Variants in DZANK1 observed in about 807,000 individuals in gnomAD.
DZANK1 encodes the protein double zinc ribbon and ankyrin repeat-containing protein 1.
Under a neutral mutation model 94.5 loss-of-function variants are expected in DZANK1, and 91 were observed. The ratio of observed to expected loss-of-function variants is 0.96; its 90% CI spans 0.81 to 1.15. The LOEUF is 1.15. DZANK1 is among the 50% of genes most tolerant of loss of function. DZANK1 has a pLI of 0.00. For synonymous variants in DZANK1, 312 were observed against 325.3 expected, an observed-to-expected ratio of 0.96 and a Z score of 0.44; for missense variants, 903 against 916.4, an observed-to-expected ratio of 0.99 and a Z score of 0.19.
chr20:18,465,408 G>GTGCACTTATAGCTT (rs774363976), intron 1 of DZANK1, 31 bp from the exon 2 acceptor site: 1 of 928,342 alleles, frequency 1.1e-6, no homozygotes, highest in Non-Finnish European at 1.5e-6. Flanking sequence ...AAATTCCAAT[G>GTGCACTTATAGCTT]TACACAAAAG....
chr20:18,385,145 T>C lies in DZANK1; in HGVS notation c.2019-55A>G, dbSNP rs992702741. 2.1e-5 allele frequency: 32 copies of C among 1,522,070 alleles called. No homozygotes were observed. The African/African-American group carries it at 4.0e-4, about 19-fold the overall frequency. 94.3% of individuals were successfully genotyped at this position (1,522,070 alleles called of 1,614,324 possible). A position where few individuals can be genotyped will look rare whatever the true frequency, so the allele number is the denominator to read the frequency against. On this transcript the variant is annotated intron_variant, in intron 19 of 20. Transcript: ENST00000262547. ...TCCTTAGTTAGCATCATCAGGAAAC[T>C]GGAGAGGATGCATGTGACCCAAGGT...
At chr20:18,463,702 T>C (rs1387012383) in intron 2 of DZANK1, among the ~76,000 whole-genome samples, 1 of 152,198 alleles carries the variant, frequency 6.6e-6, no homozygotes, top group Non-Finnish European at 1.5e-5. Context: ...TACATTAAAA[T>C]GTTTAATTTG....
In DZANK1 at chr20:18,451,092, C is replaced by A. The variant is rs1028927528; in HGVS notation, c.543+1523G>T. Among the ~76,000 whole-genome samples, 7 of 152,078 alleles carry A rather than the reference C, an allele frequency of 4.6e-5. No individual in the cohort carries two copies. In the South Asian group the frequency reaches 1.2e-3, roughly 27 times the overall value. On this transcript the variant is annotated intron_variant, in intron 6 of 20. Transcript: ENST00000262547. ...TCCCGAGTAGCTGGGACTACAGGTG[C>A]GCGCCACTATGCCTGGCTAATTTTT... is the stretch of plus-strand genomic sequence containing the variant.
chr20:18,389,316 C>G lies in DZANK1; in HGVS notation c.2018+385G>C, dbSNP rs372018960. Among the ~76,000 whole-genome samples, 169 of 152,290 alleles carry G rather than the reference C, an allele frequency of 1.1e-3. 5 individuals carry two copies. In the South Asian group the frequency reaches 0.034, roughly 30 times the overall value. Reference sequence around the variant, plus strand: ...GTATGATATTTTCTTTCTGCATTAACTTCATGGGGATATTTTCATGGGGAA... The same window carrying G: ...GTATGATATTTTCTTTCTGCATTAAGTTCATGGGGATATTTTCATGGGGAA... On this transcript the variant is annotated intron_variant, in intron 19 of 20. Coordinates refer to ENST00000262547, the Ensembl canonical transcript of DZANK1.
At chr20:18,415,418 G>A (rs767921948) in exon 11 of DZANK1, 59 of 1,584,896 alleles carry the variant, frequency 3.7e-5, no homozygotes, top group African/African-American at 8.1e-5. Flanking sequence ...CTGAGTGGGC[G>A]GAGGAGGGGC....
chr20:18,443,399 G>C, exon 8 of DZANK1: 1 of 1,546,244 alleles, frequency 6.5e-7, no homozygotes, highest in Non-Finnish European at 8.7e-7. Flanking sequence ...TGGGACAGGA[G>C]AGCCACATTC....
In DZANK1 at chr20:18,410,923, C is replaced by T. The variant is rs116598394; in HGVS notation, c.1432+1723G>A. ...CCATGATTGTGCCACCGCACTCCAGCCTGGGTGACAAAGTGAGATCCTATC... is the reference window on the plus strand; with the variant it reads ...CCATGATTGTGCCACCGCACTCCAGTCTGGGTGACAAAGTGAGATCCTATC... On this transcript the variant is annotated intron_variant, in intron 13 of 20. Transcript: ENST00000262547. Among the ~76,000 whole-genome samples, 719 of 152,224 alleles carry T rather than the reference C, an allele frequency of 4.7e-3. 8 individuals carry two copies. Among genetic ancestry groups the T allele is most frequent in the African/African-American group, 0.017 (690 of 41,534 alleles).
At chr20:18,407,205 G>A (rs2057007161) in intron 13 of DZANK1, among the ~76,000 whole-genome samples, 1 of 152,222 alleles carries the variant, frequency 6.6e-6, no homozygotes, top group Non-Finnish European at 1.5e-5. Context: ...CCCAATAGTG[G>A]TGGCCACAGG....
intron 3 of DZANK1, among the ~76,000 whole-genome samples, chr20:18,458,957 G>A (rs2059381612): frequency 6.6e-6 from 1 of 152,206 alleles, no homozygotes; most frequent in African/African-American, 2.4e-5. Flanking sequence ...AATACTAACA[G>A]TACCTTTCAG....
chr20:18,416,362 G>A (rs535374759), intron 10 of DZANK1, among the ~76,000 whole-genome samples: 9 of 152,060 alleles, frequency 5.9e-5, no homozygotes, highest in East Asian at 1.9e-4. Flanking sequence ...GCTTCCTTCC[G>A]GTCCCACCTT....
chr20:18,397,844 T>C (rs1182812006), intron 14 of DZANK1, among the ~76,000 whole-genome samples: 4 of 152,126 alleles, frequency 2.6e-5, no homozygotes, highest in African/African-American at 7.2e-5. Context: ...GGGCTTCTCA[T>C]AGCAGGGTGG....
intron 13 of DZANK1, among the ~76,000 whole-genome samples, chr20:18,403,868 C>T (rs1600790720): frequency 7.1e-6 from 1 of 141,090 alleles, no homozygotes; most frequent in Non-Finnish European, 1.5e-5. Flanking sequence ...GGCATGATCT[C>T]GGCTCACTGC....
intron 8 of DZANK1, among the ~76,000 whole-genome samples, chr20:18,438,341 A>C (rs2058611088): frequency 6.6e-6 from 1 of 152,194 alleles, no homozygotes; most frequent in African/African-American, 2.4e-5. Context: ...TAACCACATC[A>C]ATAATGACAT....
exon 19 of DZANK1, chr20:18,389,745 T>C (rs2055850811): frequency 6.2e-7 from 1 of 1,613,962 alleles, no homozygotes; most frequent in Non-Finnish European, 8.5e-7. Flanking sequence ...GCACGAGAAC[T>C]GGAATCGCTT....
intron 10 of DZANK1, among the ~76,000 whole-genome samples, chr20:18,423,081 T>A: frequency 6.6e-6 from 1 of 152,196 alleles, no homozygotes; most frequent in East Asian, 1.9e-4. Context: ...CCATCATATT[T>A]TATAGAAGCC....
chr20:18,429,358 T>G (rs1039335544), intron 9 of DZANK1, among the ~76,000 whole-genome samples: 23 of 152,360 alleles, frequency 1.5e-4, no homozygotes, highest in African/African-American at 5.3e-4. Flanking sequence ...CTTTGCCCAG[T>G]GCATACTCTG....
exon 21 of DZANK1, chr20:18,383,684 G>A (rs1296181783): frequency 3.3e-5 from 5 of 152,254 alleles, no homozygotes; most frequent in African/African-American, 1.2e-4. Context: ...GCACAACCCC[G>A]GGAAAGGCAA....
intron 3 of DZANK1, among the ~76,000 whole-genome samples, chr20:18,459,105 A>G (rs985529340): frequency 6.6e-6 from 1 of 152,198 alleles, no homozygotes; most frequent in Non-Finnish European, 1.5e-5. Context: ...TTTTACTACT[A>G]CTTGCAGCTT....
At chr20:18,412,570 A>T in intron 13 of DZANK1, 76 bp downstream of exon 13, 1 of 1,396,202 alleles carries the variant, frequency 7.2e-7, no homozygotes. Flanking sequence ...ATCTAAAAGG[A>T]AGAGAAAATG....
Sources: gnomAD v4.1 joint callset for allele counts (sites outside exome capture counted in the v4.1 genomes callset) on GRCh38, gnomAD v4.1.1 for gene constraint, MANE v1.5 for transcripts, NCBI Gene and HGNC (gene_info 2026-07-23, HGNC 2026-07-21) for gene names.